The following RANGAP1 variants were observed in gnomAD, a reference collection of about 807,000 sequenced individuals.
The protein encoded by RANGAP1 is ran GTPase-activating protein 1.
Under a neutral mutation model 63.5 loss-of-function variants are expected in RANGAP1, and 38 were observed. The observed-to-expected ratio is 0.60, with a 90% confidence interval of 0.46 to 0.78. The LOEUF (loss-of-function observed/expected upper bound fraction) is 0.78, where lower values mean the gene tolerates loss of function less well. Ranked by LOEUF, RANGAP1 falls within the 30% of genes least tolerant of loss-of-function variation. The pLI, the probability that RANGAP1 is intolerant of heterozygous loss-of-function variation, is 0.00. For missense variants in RANGAP1, 630 were observed against 740.3 expected (o/e 0.85, Z 1.73); for synonymous variants, 329 against 310.5 (o/e 1.06, Z -0.63).
intron 6 of RANGAP1, among the ~76,000 whole-genome samples, chr22:41,259,145 C>T (rs533082418): frequency 3.3e-5 from 5 of 152,118 alleles, no homozygotes; most frequent in South Asian, 4.1e-4. Context: ...GCCTATATTC[C>T]GTCTGCATCC....
Position 41,256,310 on chromosome 22 carries a change from T to C in RANGAP1, c.889-20A>G. 2 of 1,612,208 alleles carry C rather than the reference T, an allele frequency of 1.2e-6. No homozygotes were observed. The highest frequency in any genetic ancestry group is 1.1e-5 in the South Asian group (1 of 90,996). On this transcript the variant is annotated intron_variant, in intron 8 of 15. Coordinates refer to ENST00000356244, the MANE Select transcript of RANGAP1 (RefSeq NM_002883.4). ...CAGCTCCTGAAAATAAGAGGAAGGGTTGGAGGCAGGCAGAAACCCGGGCCA... is the reference window on the plus strand; with the variant it reads ...CAGCTCCTGAAAATAAGAGGAAGGGCTGGAGGCAGGCAGAAACCCGGGCCA...
At chr22:41,265,774 G>A (rs1601649678) in intron 4 of RANGAP1, among the ~76,000 whole-genome samples, 1 of 152,178 alleles carries the variant, frequency 6.6e-6, no homozygotes, top group Non-Finnish European at 1.5e-5. Flanking sequence ...GGTCCATGGG[G>A]GCAGGAATGT....
At chr22:41,259,740 T>A (rs1176681783) in intron 6 of RANGAP1, among the ~76,000 whole-genome samples, 1 of 152,224 alleles carries the variant, frequency 6.6e-6, no homozygotes, top group East Asian at 1.9e-4. Flanking sequence ...CAGTGGCTTA[T>A]GCCTATAATC....
chr22:41,273,703 G>C (rs1430207115), intron 3 of RANGAP1, among the ~76,000 whole-genome samples: 1 of 135,270 alleles, frequency 7.4e-6, no homozygotes, highest in African/African-American at 2.7e-5. Context: ...GGAGGTGGAG[G>C]TTGCAGCAAG....
At chr22:41,286,561 C>T (rs1424638418), upstream of RANGAP1, among the ~76,000 whole-genome samples, 3 of 152,262 alleles carry the variant, frequency 2.0e-5, no homozygotes, top group Non-Finnish European at 2.9e-5. Flanking sequence ...ATAACAGGTA[C>T]TGCTGGCTGC....
At chr22:41,249,889 C>T (rs1012262325) in intron 13 of RANGAP1, 72 bp from the exon 14 acceptor site, 3 of 1,351,580 alleles carry the variant, frequency 2.2e-6, no homozygotes, top group Admixed American at 1.7e-5. Flanking sequence ...CCAGGGTTCC[C>T]CCAACACCGC....
chr22:41,295,027 G>T, the RANGAP1 span, among the ~76,000 whole-genome samples: 2 of 142,558 alleles, frequency 1.4e-5, no homozygotes, highest in Non-Finnish European at 3.1e-5. Context: ...GAGGGAGGTG[G>T]GGGGGTCAGT....
chr22:41,293,017 CG>C, the RANGAP1 span, among the ~76,000 whole-genome samples: 2 of 151,294 alleles, frequency 1.3e-5, no homozygotes, highest in East Asian at 3.9e-4. Context: ...GGGCGGATCA[CG>C]AGGTCAGGAG....
chr22:41,290,847 C>T (rs2035830321), upstream of RANGAP1, among the ~76,000 whole-genome samples: 1 of 152,186 alleles, frequency 6.6e-6, no homozygotes, highest in African/African-American at 2.4e-5. Flanking sequence ...AGATCAAAAA[C>T]AAATGGCTAA....
chr22:41,246,537 C>G lies in RANGAP1; in HGVS notation c.*66G>C. The G allele has an allele frequency of 6.8e-7, 1 of 1,460,774 alleles. No individual in the cohort carries two copies. 90.5% of individuals were successfully genotyped at this position (1,460,774 alleles called of 1,614,324 possible). On this transcript the variant is annotated 3_prime_UTR_variant, in exon 16 of 16. Coordinates refer to ENST00000356244, the MANE Select transcript of RANGAP1 (RefSeq NM_002883.4). ...GTCCAAGGCAATGGCGTAGGCTGCG[C>G]CTCAGTTCATCCGAGTCCCTCCCCA...
At chr22:41,296,559 A>C in the RANGAP1 span, among the ~76,000 whole-genome samples, 3 of 151,780 alleles carry the variant, frequency 2.0e-5, no homozygotes, top group Non-Finnish European at 2.9e-5. Context: ...AGGCAGGAGA[A>C]TCTCTTAAAC....
At chr22:41,290,618 C>T (rs2035827994), upstream of RANGAP1, among the ~76,000 whole-genome samples, 1 of 152,104 alleles carries the variant, frequency 6.6e-6, no homozygotes, top group Non-Finnish European at 1.5e-5. Context: ...TGTTCCAGGC[C>T]TTTCTCTGTT....
At chr22:41,268,558 A>G (rs1248042419) in intron 3 of RANGAP1, among the ~76,000 whole-genome samples, 2 of 150,612 alleles carry the variant, frequency 1.3e-5, no homozygotes, top group African/African-American at 4.9e-5. Context: ...CCTGGCCCCC[A>G]AGACTTAACT....
Position 41,268,091 on chromosome 22 carries a change from G to C in RANGAP1, c.300+6C>G. The C allele has an allele frequency of 6.5e-7, 1 of 1,545,718 alleles. No individual in the cohort carries two copies. Among genetic ancestry groups the C allele is most frequent in the East Asian group, 2.4e-5 (1 of 41,482 alleles). ...CGTGGAGGGGAAGAGCGGCTAGTTC[G>C]CTTACCAGGGCTGGTGGGATCTCGG... is the stretch of plus-strand genomic sequence containing the variant. On this transcript the variant is annotated splice_donor_region_variant and intron_variant, in intron 4 of 15. Transcript: ENST00000356244.
chr22:41,249,287 C>G, intron 15 of RANGAP1, 43 bp downstream of exon 15: 1 of 1,549,732 alleles, frequency 6.5e-7, no homozygotes, highest in Non-Finnish European at 8.7e-7. Flanking sequence ...GCCAGAGAAG[C>G]CCGAGAGGGC....
chr22:41,299,333 C>G, the RANGAP1 span, among the ~76,000 whole-genome samples: 8,490 of 151,988 alleles, frequency 0.056, 773 homozygotes, highest in African/African-American at 0.19. Flanking sequence ...GGGGTTTCAC[C>G]GTGTTAGCTG....
chr22:41,264,985 T>C (rs2034384445), intron 4 of RANGAP1, 142 bp from the exon 5 acceptor site: 4 of 813,762 alleles, frequency 4.9e-6, no homozygotes, highest in Middle Eastern at 3.2e-4. Context: ...ATTTCAGTAT[T>C]CTTAAGACTG....
At chr22:41,277,481 C>T in intron 2 of RANGAP1, 2 of 1,196,950 alleles carry the variant, frequency 1.7e-6, no homozygotes, top group South Asian at 2.5e-5. Flanking sequence ...TTACATGAAA[C>T]AAAAAGTTGA....
chr22:41,301,162 T>C, the RANGAP1 span, among the ~76,000 whole-genome samples: 6 of 152,146 alleles, frequency 3.9e-5, no homozygotes, highest in African/African-American at 1.4e-4. Flanking sequence ...CCGGTTCCCA[T>C]CTATGAGAAG....
Sources: gnomAD v4.1 joint callset for allele counts (sites outside exome capture counted in the v4.1 genomes callset) on GRCh38, gnomAD v4.1.1 for gene constraint, MANE v1.5 for transcripts, NCBI Gene and HGNC (gene_info 2026-07-23, HGNC 2026-07-21) for gene names.